HYDIN: variants seen among roughly 807,000 people sequenced by gnomAD.
HYDIN encodes the protein HYDIN axonemal central pair apparatus protein, also known as axonemal central pair apparatus protein HYDIN.
A neutral mutation model predicts 403.9 loss-of-function variants in HYDIN; 132 were observed. The observed-to-expected ratio is 0.33, with a 90% CI of 0.28 to 0.38. The LOEUF (loss-of-function observed/expected upper bound fraction) is 0.38. Ranked by LOEUF, HYDIN falls within the 10% of genes least tolerant of loss-of-function variation. HYDIN has a pLI of 1.00. For synonymous variants in HYDIN, 1,202 were observed against 1,891.7 expected (o/e 0.64, Z 9.46); for missense variants, 2,827 against 5,009.5 (o/e 0.56, Z 13.15).
At chr16:70,902,769 T>C (rs2076416769) in intron 52 of HYDIN, among the ~76,000 whole-genome samples, 2 of 141,478 alleles carry the variant, frequency 1.4e-5, no homozygotes. Context: ...TTCACCAAAT[T>C]TGGGAAAGTT....
intron 45 of HYDIN, among the ~76,000 whole-genome samples, chr16:70,933,154 C>A (rs907359752): frequency 6.6e-6 from 1 of 151,866 alleles, no homozygotes; most frequent in Non-Finnish European, 1.5e-5. Context: ...ACAGCAAAGA[C>A]GGGTGAGACA....
At chr16:71,027,417 T>C (rs1019864148) in intron 20 of HYDIN, 185 bp downstream of exon 20, 26 of 1,473,740 alleles carry the variant, frequency 1.8e-5, no homozygotes, top group Admixed American at 7.9e-5. Context: ...CAGAAACAAA[T>C]TGAAGACTGA....
chr16:70,953,626 T>C (rs1473829414), intron 40 of HYDIN, among the ~76,000 whole-genome samples: 2 of 152,102 alleles, frequency 1.3e-5, no homozygotes. Context: ...CAAACATTCC[T>C]CCTGGCTCAT....
chr16:70,960,730 T>C (rs1426014762), intron 38 of HYDIN, among the ~76,000 whole-genome samples: 1 of 152,266 alleles, frequency 6.6e-6, no homozygotes, highest in African/African-American at 2.4e-5. Context: ...TCTCGCTCTG[T>C]TGCCAGGCTA....
At chr16:70,949,949 A>G (rs201938111) in intron 41 of HYDIN, among the ~76,000 whole-genome samples, 9 of 47,310 alleles carry the variant, frequency 1.9e-4, no homozygotes, top group Admixed American at 1.7e-3. Flanking sequence ...TAACAGAGAA[A>G]TAAGTTTTAG....
At chr16:70,871,082 A>G (rs932458268) in intron 65 of HYDIN, among the ~76,000 whole-genome samples, 1 of 152,054 alleles carries the variant, frequency 6.6e-6, no homozygotes, top group African/African-American at 2.4e-5. Flanking sequence ...CATTGTTCAG[A>G]GGATTAACCA....
intron 52 of HYDIN, among the ~76,000 whole-genome samples, chr16:70,902,339 G>A (rs2143757114): frequency 7.2e-6 from 1 of 139,562 alleles, no homozygotes; most frequent in South Asian, 2.3e-4. Flanking sequence ...TCCAGGCACA[G>A]TGGCTCAGCC....
chr16:71,050,238 T>C (rs952697350), intron 18 of HYDIN, among the ~76,000 whole-genome samples: 3 of 150,728 alleles, frequency 2.0e-5, no homozygotes, highest in Admixed American at 1.3e-4. Context: ...AAGTTACTTA[T>C]AAAGGAACAA....
intron 41 of HYDIN, 125 bp from the exon 42 acceptor site, chr16:70,944,074 A>T: frequency 1.4e-6 from 1 of 695,124 alleles, no homozygotes; most frequent in Non-Finnish European, 2.4e-6. Context: ...GTACAATGGG[A>T]ACTGCATTAT....
At chr16:71,071,329 G>T (rs1475873144) in intron 13 of HYDIN, among the ~76,000 whole-genome samples, 1 of 151,470 alleles carries the variant, frequency 6.6e-6, no homozygotes, top group African/African-American at 2.4e-5. Flanking sequence ...TAAAGGAAGG[G>T]GATGCTGATT....
chr16:70,882,161 C>T (rs1006452874), intron 60 of HYDIN, among the ~76,000 whole-genome samples: 14 of 152,112 alleles, frequency 9.2e-5, no homozygotes, highest in African/African-American at 2.7e-4. Context: ...ACTGTAGAAT[C>T]GGGATAATAA....
chr16:71,177,118 T>C (rs563582492), intron 4 of HYDIN, among the ~76,000 whole-genome samples: 1 of 152,276 alleles, frequency 6.6e-6, no homozygotes, highest in South Asian at 2.1e-4. Context: ...TGGCCAGCAC[T>C]CTGGCTGCAT....
intron 72 of HYDIN, among the ~76,000 whole-genome samples, chr16:70,856,953 T>C (rs1320017206): frequency 6.6e-6 from 1 of 151,820 alleles, no homozygotes; most frequent in Non-Finnish European, 1.5e-5. Context: ...ATCTAACATA[T>C]TATTAAAACA....
intron 36 of HYDIN, among the ~76,000 whole-genome samples, chr16:70,967,531 G>C: frequency 6.6e-6 from 1 of 151,966 alleles, no homozygotes; most frequent in Non-Finnish European, 1.5e-5. Context: ...GCCCAGGCTG[G>C]AGTGCAGTGG....
intron 37 of HYDIN, among the ~76,000 whole-genome samples, chr16:70,962,601 A>G (rs993099177): frequency 1.3e-5 from 2 of 151,702 alleles, no homozygotes; most frequent in African/African-American, 4.8e-5. Flanking sequence ...TTAATTTATC[A>G]TGACCATTTC....
intron 25 of HYDIN, among the ~76,000 whole-genome samples, chr16:70,989,177 C>T (rs909759577): frequency 3.3e-5 from 5 of 152,156 alleles, no homozygotes; most frequent in Non-Finnish European, 7.4e-5. Flanking sequence ...GACCTTCCCA[C>T]CTCAGCCTCC....
intron 12 of HYDIN, among the ~76,000 whole-genome samples, chr16:71,086,830 CT>C (rs1451557480): frequency 6.6e-6 from 1 of 151,328 alleles, no homozygotes; most frequent in African/African-American, 2.4e-5. Flanking sequence ...CTTCCTACTT[CT>C]TCAGAGAACC....
chr16:70,888,545 A>T (rs1374949529), intron 58 of HYDIN, among the ~76,000 whole-genome samples: 1 of 151,146 alleles, frequency 6.6e-6, no homozygotes, highest in Non-Finnish European at 1.5e-5. Context: ...TGTTGATGCC[A>T]TGGGAGATGG....
chr16:71,043,958 G>C (rs2081370659), intron 18 of HYDIN, among the ~76,000 whole-genome samples: 1 of 151,956 alleles, frequency 6.6e-6, no homozygotes, highest in African/African-American at 2.4e-5. Context: ...GAGAGAGAGA[G>C]AGGGAGAGGG....
Sources: allele counts gnomAD v4.1 joint callset (sites outside exome capture counted in the v4.1 genomes callset), GRCh38; gene constraint gnomAD v4.1.1; transcripts MANE v1.5; gene names NCBI Gene and HGNC (gene_info 2026-07-23, HGNC 2026-07-21).